Variants in PRDM5 observed in about 807,000 individuals in gnomAD.
The protein encoded by PRDM5 is PR/SET domain 5, also known as PR domain zinc finger protein 5.
A neutral mutation model predicts 81.2 loss-of-function variants in PRDM5; 56 were observed. The observed-to-expected ratio is 0.69, with a 90% CI of 0.56 to 0.86. The LOEUF (loss-of-function observed/expected upper bound fraction) is 0.86, where lower values mean the gene tolerates loss of function less well. PRDM5 is among the 40% of genes least tolerant of loss of function. The probability of loss-of-function intolerance (pLI) is 0.00; values close to 1 mark genes in which losing one functional copy is unlikely to be tolerated. For synonymous variants in PRDM5, 267 were observed against 256.4 expected, an observed-to-expected ratio of 1.04 and a Z score of -0.39; for missense variants, 697 against 770.1, an observed-to-expected ratio of 0.91 and a Z score of 1.12.
intron 1 of PRDM5, among the ~76,000 whole-genome samples, chr4:120,908,916 C>A (rs1766163590): frequency 6.6e-6 from 1 of 152,190 alleles, no homozygotes; most frequent in South Asian, 2.1e-4. Flanking sequence ...CACTTAAACA[C>A]AACAGCCCCA....
At chr4:120,891,064 T>C (rs1270475644) in intron 2 of PRDM5, among the ~76,000 whole-genome samples, 4 of 152,216 alleles carry the variant, frequency 2.6e-5, no homozygotes, top group Non-Finnish European at 5.9e-5. Context: ...ATGTCCAGAA[T>C]GAAATTTCCT....
chr4:120,721,683 G>A (rs71600500), intron 14 of PRDM5, among the ~76,000 whole-genome samples: 27,135 of 152,204 alleles, frequency 0.18, 3,075 homozygotes, highest in Non-Finnish European at 0.26. Flanking sequence ...ACTTTACAAT[G>A]AAGAAACATT....
intron 14 of PRDM5, among the ~76,000 whole-genome samples, chr4:120,722,780 G>T (rs552664969): frequency 8.5e-5 from 13 of 152,212 alleles, no homozygotes; most frequent in Middle Eastern, 6.8e-3. Context: ...TAAGTCTATG[G>T]GAGATTCTGG....
chr4:120,811,318 T>A, intron 8 of PRDM5, 52 bp downstream of exon 8: 1 of 1,198,474 alleles, frequency 8.3e-7, no homozygotes, highest in Admixed American at 2.0e-5. Flanking sequence ...TAAAACATAT[T>A]AAAATTATTA....
At chr4:120,685,723 T>C (rs952750565) in intron 1 of PRDM5, among the ~76,000 whole-genome samples, 16 of 152,274 alleles carry the variant, frequency 1.1e-4, no homozygotes, top group Non-Finnish European at 2.9e-5. Context: ...GTAGATACTA[T>C]TAAATCTGTT....
At chr4:120,906,938 T>C (rs1765862568) in intron 2 of PRDM5, among the ~76,000 whole-genome samples, 1 of 150,406 alleles carries the variant, frequency 6.6e-6, no homozygotes, top group Non-Finnish European at 1.5e-5. Flanking sequence ...AACTTATTTT[T>C]CAACGAAGAA....
chr4:120,762,851 A>AT (rs1346953878), intron 13 of PRDM5: 1 of 152,198 alleles, frequency 6.6e-6, no homozygotes, highest in Non-Finnish European at 1.5e-5. Context: ...AAACAAGTTA[A>AT]ACCCAAGGAC....
intron 1 of PRDM5, among the ~76,000 whole-genome samples, chr4:120,915,545 T>C (rs746176181): frequency 5.9e-5 from 9 of 152,164 alleles, no homozygotes; most frequent in African/African-American, 7.2e-5. Flanking sequence ...CATGACAGTG[T>C]ACACCTCCTG....
At chr4:120,816,147 C>T (rs1754455655) in intron 7 of PRDM5, 2 of 350,222 alleles carry the variant, frequency 5.7e-6, no homozygotes, top group African/African-American at 2.1e-5. Context: ...CATGCCAAAA[C>T]ATTTAAAATT....
At chr4:120,816,345 A>G in intron 7 of PRDM5, 108 bp downstream of exon 7, 3 of 1,580,354 alleles carry the variant, frequency 1.9e-6, no homozygotes, top group Non-Finnish European at 2.6e-6. Flanking sequence ...TCTGTGTGAA[A>G]CACAATGGAA....
At chr4:120,778,711 C>A (rs1296455064) in intron 12 of PRDM5, among the ~76,000 whole-genome samples, 6 of 152,002 alleles carry the variant, frequency 3.9e-5, no homozygotes, top group South Asian at 2.1e-4. Context: ...ACCATGCTAG[C>A]CAACAACACT....
intron 3 of PRDM5, among the ~76,000 whole-genome samples, chr4:120,839,477 G>A (rs559391487): frequency 2.4e-4 from 36 of 152,276 alleles, no homozygotes; most frequent in African/African-American, 8.7e-4. Flanking sequence ...TCAGTTCTCA[G>A]CAGAGAGGGT....
intron 3 of PRDM5, among the ~76,000 whole-genome samples, chr4:120,847,752 T>A (rs1045889817): frequency 2.0e-5 from 3 of 152,148 alleles, no homozygotes; most frequent in African/African-American, 7.2e-5. Flanking sequence ...ATTCTGCAAA[T>A]AACTCAAAAG....
At position 120,834,028 on chromosome 4, in the gene PRDM5, A is replaced by T. The variant is rs546061955; in HGVS notation, c.301-12683T>A. ...GTAGATTTATGCTATAAAAAGCAAC[A>T]AATCTAGCTAAAACATTGGTTATTA... is the stretch of plus-strand genomic sequence containing the variant. On this transcript the variant is annotated intron_variant, in intron 3 of 15. Coordinates refer to ENST00000264808, the MANE Select transcript of PRDM5 (RefSeq NM_018699.4). Among the ~76,000 whole-genome samples the T allele has an allele frequency of 4.6e-5, 7 of 152,294 alleles. No individual in the cohort carries two copies. In the South Asian group the frequency reaches 1.5e-3, roughly 32 times the overall value.
In PRDM5 at chr4:120,842,745, C is replaced by T. The variant is rs529495354; in HGVS notation, c.300+10673G>A. Among the ~76,000 whole-genome samples the T allele has an allele frequency of 4.6e-5, 7 of 151,984 alleles. No individual in the cohort carries two copies. The East Asian group carries it at 1.2e-3, about 25-fold the overall frequency. On this transcript the variant is annotated intron_variant, in intron 3 of 15. Transcript: ENST00000264808. ...ATGAAATGTAAGATTTGCCACTTTC[C>T]CCCCATGACAGCTTCACAGAATTTC... is the stretch of plus-strand genomic sequence containing the variant.
intron 5 of PRDM5, 135 bp downstream of exon 5, chr4:120,818,218 A>G: frequency 1.2e-6 from 1 of 846,634 alleles, no homozygotes; most frequent in Middle Eastern, 3.5e-4. Flanking sequence ...AAAATGCTTA[A>G]TCTCTCATTC....
At chr4:120,873,337 A>G (rs1205944171) in intron 2 of PRDM5, among the ~76,000 whole-genome samples, 1 of 152,160 alleles carries the variant, frequency 6.6e-6, no homozygotes, top group Non-Finnish European at 1.5e-5. Flanking sequence ...AACAGTATCT[A>G]TCCCCTCCCT....
At chr4:120,695,896 G>A (rs554693477) in intron 15 of PRDM5, among the ~76,000 whole-genome samples, 2 of 152,074 alleles carry the variant, frequency 1.3e-5, no homozygotes, top group East Asian at 3.9e-4. Flanking sequence ...CCACTGACAT[G>A]AAACTCTTCA....
chr4:120,828,032 G>A (rs990228702), intron 3 of PRDM5, among the ~76,000 whole-genome samples: 1 of 151,976 alleles, frequency 6.6e-6, no homozygotes. Context: ...AGTTTTTCAT[G>A]TACTTTGTCT....
Sources: gnomAD v4.1 joint callset for allele counts (sites outside exome capture counted in the v4.1 genomes callset) on GRCh38, gnomAD v4.1.1 for gene constraint, MANE v1.5 for transcripts, NCBI Gene and HGNC (gene_info 2026-07-23, HGNC 2026-07-21) for gene names.